Variants in CD226 observed in about 807,000 individuals in gnomAD.
CD226 encodes the protein CD226 antigen.
Under a neutral mutation model 34.9 loss-of-function variants are expected in CD226, and 24 were observed. The observed-to-expected ratio is 0.69, with a 90% CI of 0.50 to 0.97. The LOEUF is 0.97. CD226 is among the 50% of genes least tolerant of loss of function. CD226 has a pLI of 0.00. For missense variants in CD226, 397 were observed against 412.7 expected (o/e 0.96, Z 0.33); for synonymous variants, 148 against 147.4 (o/e 1.00, Z -0.03).
chr18:69,858,166 GTATT>G lies in CD226; in HGVS notation c.*6144_*6147del, dbSNP rs1337110038. The G allele has an allele frequency of 7.2e-5, 11 of 152,250 alleles. No individual in the cohort carries two copies. The highest frequency in any genetic ancestry group is 9.6e-5 in the African/African-American group (4 of 41,550). The allele number at this position is 152,250 out of a possible 1,614,324, so 9.4% of individuals were successfully genotyped here. On this transcript the variant is annotated 3_prime_UTR_variant, in exon 6 of 6. Coordinates refer to ENST00000582621, the MANE Select transcript of CD226 (RefSeq NM_001303618.2). ...GAGAATATTGATATAGATACTAACT[GTATT>G]TATTTGTTTTTTCAGCAATTTATTT...
At chr18:69,953,291 C>G (rs1310931390) in intron 1 of CD226, among the ~76,000 whole-genome samples, 1 of 152,106 alleles carries the variant, frequency 6.6e-6, no homozygotes, top group Non-Finnish European at 1.5e-5. Context: ...TTCACAAAAG[C>G]CAGAAGGTGG....
intron 2 of CD226, among the ~76,000 whole-genome samples, chr18:69,923,156 AAGAG>A (rs1272390549): frequency 6.6e-6 from 1 of 151,718 alleles, no homozygotes; most frequent in Non-Finnish European, 1.5e-5. Context: ...GAAAGAAAGA[AAGAG>A]AGAAAGAGAA....
rs1375746843 is a variant in CD226 at position 69,870,272 on chromosome 18, C to T, written c.831-2861G>A. On this transcript the variant is annotated intron_variant, in intron 4 of 5. Transcript: ENST00000582621. Reference sequence around the variant, plus strand: ...TCTATAGAACACAGTTTGGCTCCCCCTTTTTTTTTTTTTTTTTTTTGAGAC... The same window carrying T: ...TCTATAGAACACAGTTTGGCTCCCCTTTTTTTTTTTTTTTTTTTTTGAGAC... Among the ~76,000 whole-genome samples, 171 of 124,096 alleles carry T rather than the reference C, an allele frequency of 1.4e-3. 1 individual carries two copies. The highest frequency in any genetic ancestry group is 4.6e-3 in the African/African-American group (157 of 33,940). The allele number at this position is 124,096 out of a possible 152,430, so 81.4% of individuals were successfully genotyped here.
chr18:69,948,989 GT>G (rs2055823667), upstream of CD226, among the ~76,000 whole-genome samples: 1 of 152,150 alleles, frequency 6.6e-6, no homozygotes, highest in Admixed American at 6.5e-5. Flanking sequence ...TGTGGAAAAG[GT>G]TTTATAGAAA....
chr18:69,892,403 T>C (rs73464722), intron 3 of CD226, among the ~76,000 whole-genome samples: 1 of 152,216 alleles, frequency 6.6e-6, no homozygotes, highest in Non-Finnish European at 1.5e-5. Flanking sequence ...AAAATAACTG[T>C]AGTCACTGTC....
rs542331977 is a variant in CD226, at chr18:69,865,298, G to A, written c.886-859C>T. Among the ~76,000 whole-genome samples, 6 of 152,204 alleles carry A rather than the reference G, an allele frequency of 3.9e-5. No individual in the cohort carries two copies. In the East Asian group the frequency reaches 9.6e-4, roughly 24 times the overall value. On this transcript the variant is annotated intron_variant, in intron 5 of 5. Coordinates refer to ENST00000582621, the MANE Select transcript of CD226 (RefSeq NM_001303618.2). ...AGCCACCATGACCAGCCAGATGTTA[G>A]TGTTTTTAAGAAGAAAGCAAAATGA...
rs781638361 is a variant in CD226 at position 69,896,008 on chromosome 18, A to C, written c.420T>G (p.Ile140Met). 18 of 1,612,766 alleles carry C rather than the reference A, an allele frequency of 1.1e-5. No homozygotes were observed. The highest frequency in any genetic ancestry group is 1.3e-5 in the Non-Finnish European group (15 of 1,179,812). Reference protein sequence around the residue: ...FEAAVPSNSHIVSEPGKNVTL... With the variant: ...FEAAVPSNSHMVSEPGKNVTL... ...TGACATTCTTTCCAGGTTCCGAAAC[A>C]ATGTGGCTATTTGATGGCACAGCTG... is the stretch of plus-strand genomic sequence containing the variant. The change falls in exon 3 of 6, where the codon ATT becomes ATG. Residue 140 changes from isoleucine (I) to methionine (M), a missense_variant. Ile to Met is a conservative substitution (Grantham distance 10, BLOSUM62 1). Coordinates refer to ENST00000582621, the MANE Select transcript of CD226 (RefSeq NM_001303618.2).
intron 2 of CD226, among the ~76,000 whole-genome samples, chr18:69,897,807 CAT>C (rs1454935447): frequency 6.6e-6 from 1 of 152,190 alleles, no homozygotes; most frequent in Non-Finnish European, 1.5e-5. Flanking sequence ...ACTAGAATAT[CAT>C]GGCTACGATA....
intron 3 of CD226, among the ~76,000 whole-genome samples, chr18:69,874,013 A>T (rs1361726154): frequency 6.6e-6 from 1 of 151,180 alleles, no homozygotes. Context: ...TTTGGTAATG[A>T]TACAAAAAAT....
At chr18:69,913,171 T>C (rs1276395313) in intron 2 of CD226, among the ~76,000 whole-genome samples, 2 of 152,074 alleles carry the variant, frequency 1.3e-5, no homozygotes, top group Non-Finnish European at 2.9e-5. Flanking sequence ...ACAGCCATCT[T>C]CCCCGTCTCC....
chr18:69,864,140 T>C lies in CD226; in HGVS notation c.*174A>G. The stretch of plus-strand genomic sequence containing the variant: ...ATAAACCAGTTAGAGTCAGGTTTTC[T>C]GAAACAGTTCTATGAAAAATGATTT... On this transcript the variant is annotated 3_prime_UTR_variant, in exon 6 of 6. Coordinates refer to ENST00000582621, the MANE Select transcript of CD226 (RefSeq NM_001303618.2). 1 of 597,692 alleles carries C rather than the reference T, an allele frequency of 1.7e-6. No individual in the cohort carries two copies. The highest frequency in any genetic ancestry group is 2.9e-6 in the Non-Finnish European group (1 of 345,704). 37.0% of individuals were successfully genotyped at this position (597,692 alleles called of 1,614,324 possible).
intron 5 of CD226, among the ~76,000 whole-genome samples, chr18:69,865,664 A>G (rs1157285666): frequency 6.6e-6 from 1 of 152,232 alleles, no homozygotes; most frequent in Admixed American, 6.5e-5. Flanking sequence ...TACAGTTGGC[A>G]TCAAGAAGCA....
At chr18:69,905,744 G>A (rs1016720271) in intron 2 of CD226, among the ~76,000 whole-genome samples, 5 of 152,114 alleles carry the variant, frequency 3.3e-5, no homozygotes, top group East Asian at 1.9e-4. Flanking sequence ...GTAAAAAGAC[G>A]ATAAGTCCTC....
intron 2 of CD226, among the ~76,000 whole-genome samples, chr18:69,928,132 G>A (rs1479261117): frequency 6.6e-6 from 1 of 152,188 alleles, no homozygotes; most frequent in East Asian, 1.9e-4. Flanking sequence ...CATATGATGA[G>A]CTATAAACCT....
upstream of CD226, among the ~76,000 whole-genome samples, chr18:69,958,429 G>A (rs559945102): frequency 1.4e-4 from 21 of 152,054 alleles, no homozygotes; most frequent in African/African-American, 4.8e-4. Context: ...CTCAATTTTC[G>A]ATTTTCTCAA....
intron 1 of CD226, among the ~76,000 whole-genome samples, chr18:69,954,221 A>T (rs1186692807): frequency 6.6e-6 from 1 of 152,206 alleles, no homozygotes; most frequent in Non-Finnish European, 1.5e-5. Context: ...GATGCCAAGT[A>T]CATTCTAAGA....
intron 2 of CD226, among the ~76,000 whole-genome samples, chr18:69,935,029 T>G (rs2055634928): frequency 6.6e-6 from 1 of 152,138 alleles, no homozygotes; most frequent in Admixed American, 6.5e-5. Context: ...AAACCATAAC[T>G]TAGAAACCAG....
upstream of CD226, chr18:69,957,279 C>T (rs1037541005): frequency 1.3e-5 from 2 of 152,214 alleles, no homozygotes; most frequent in East Asian, 3.9e-4. Context: ...ATTCAGCCCT[C>T]TTTTTAAGTC....
At chr18:69,952,418 G>A (rs149735805), upstream of CD226, among the ~76,000 whole-genome samples, 97 of 152,284 alleles carry the variant, frequency 6.4e-4, no homozygotes, top group African/African-American at 2.3e-3. Context: ...TGTACCCCTT[G>A]AATTTATACA....
Sources: gnomAD v4.1 joint callset for allele counts (sites outside exome capture counted in the v4.1 genomes callset) on GRCh38, gnomAD v4.1.1 for gene constraint, MANE v1.5 for transcripts, NCBI Gene and HGNC (gene_info 2026-07-23, HGNC 2026-07-21) for gene names.